The following ZC4H2 variants were observed in gnomAD, a reference collection of about 807,000 sequenced individuals.
The protein encoded by ZC4H2 is zinc finger C4H2 domain-containing protein.
For synonymous variants in ZC4H2, 84 were observed against 66.3 expected (o/e 1.27, Z -1.30); for missense variants, 137 against 173.9 (o/e 0.79, Z 1.19).
intron 1 of ZC4H2, among the ~76,000 whole-genome samples, chrX:65,021,240 T>A (rs1251285110): frequency 9.0e-6 from 1 of 110,704 alleles, no homozygotes; most frequent in Non-Finnish European, 1.9e-5. Flanking sequence ...TAGCACCATA[T>A]CGCACTTATT....
chrX:64,981,331 G>A (rs1281376387), upstream of ZC4H2, among the ~76,000 whole-genome samples: 2 of 111,500 alleles, frequency 1.8e-5, no homozygotes, highest in Non-Finnish European at 3.8e-5. Flanking sequence ...TGTGAGAACA[G>A]ATTTTATTGG....
At chrX:64,961,199 T>C (rs1931376941) in intron 1 of ZC4H2, among the ~76,000 whole-genome samples, 1 of 111,847 alleles carries the variant, frequency 8.9e-6, no homozygotes, top group Non-Finnish European at 1.9e-5. Flanking sequence ...CATTACATAA[T>C]GTTCTTCTTT....
chrX:65,010,401 CA>C (rs771959669), intron 1 of ZC4H2, among the ~76,000 whole-genome samples: 80 of 112,570 alleles, frequency 7.1e-4, no homozygotes, highest in African/African-American at 2.4e-3. Context: ...TAGTAAAGTC[CA>C]GATATATTAA....
At chrX:64,925,440 A>G (rs1275816806) in intron 1 of ZC4H2, among the ~76,000 whole-genome samples, 1 of 112,309 alleles carries the variant, frequency 8.9e-6, no homozygotes, top group Non-Finnish European at 1.9e-5. Flanking sequence ...CTAAAGCCAC[A>G]TAAAAATGTC....
chrX:64,942,844 C>G (rs1212617965), intron 1 of ZC4H2, among the ~76,000 whole-genome samples: 1 of 111,512 alleles, frequency 9.0e-6, no homozygotes, highest in South Asian at 3.8e-4. Flanking sequence ...GGGTATATAC[C>G]CAGTAATGGG....
chrX:65,017,769 A>G (rs1032576716), intron 1 of ZC4H2, among the ~76,000 whole-genome samples: 1 of 112,043 alleles, frequency 8.9e-6, no homozygotes, highest in Non-Finnish European at 1.9e-5. Context: ...CACTCATAAA[A>G]TGTAGGATCA....
At chrX:64,940,307 C>A (rs770179547) in intron 1 of ZC4H2, among the ~76,000 whole-genome samples, 2 of 111,147 alleles carry the variant, frequency 1.8e-5, no homozygotes, top group South Asian at 7.6e-4. Context: ...GGATATTAGA[C>A]CTTTGTCAGA....
chrX:65,011,480 G>A (rs893778657), intron 1 of ZC4H2, among the ~76,000 whole-genome samples: 4 of 111,426 alleles, frequency 3.6e-5, no homozygotes, highest in South Asian at 7.6e-4. Flanking sequence ...TTTGTATAAC[G>A]TATGGTGGCA....
chrX:64,951,975 G>A (rs1258104497), intron 1 of ZC4H2, among the ~76,000 whole-genome samples: 3 of 111,237 alleles, frequency 2.7e-5, no homozygotes, highest in Non-Finnish European at 5.6e-5. Context: ...ATTGATTTTC[G>A]TATAAGGTAT....
chrX:64,931,664 G>A (rs1197589664), intron 1 of ZC4H2, among the ~76,000 whole-genome samples: 1 of 111,177 alleles, frequency 9.0e-6, no homozygotes, highest in East Asian at 2.8e-4. Context: ...ATAGTTTTGA[G>A]GGTTCTTTTT....
intron 1 of ZC4H2, among the ~76,000 whole-genome samples, chrX:64,945,138 T>C (rs777824224): frequency 1.6e-4 from 18 of 113,141 alleles, no homozygotes; most frequent in East Asian, 1.1e-3. Context: ...GGAGTTGTGA[T>C]CCTTTGTAGG....
upstream of ZC4H2, among the ~76,000 whole-genome samples, chrX:64,977,522 C>G (rs191078587): frequency 2.1e-4 from 23 of 112,034 alleles, no homozygotes; most frequent in Admixed American, 7.5e-4. Flanking sequence ...ATTTATGAGA[C>G]AGTCTCACTC....
At chrX:64,954,627 T>C (rs1409326518) in intron 1 of ZC4H2, among the ~76,000 whole-genome samples, 1 of 106,555 alleles carries the variant, frequency 9.4e-6, no homozygotes, top group Non-Finnish European at 1.9e-5. Context: ...GAATATGGTG[T>C]CTTTTAGGAG....
Position 65,017,878 on chromosome X carries a change from T to A in ZC4H2, c.-272+16751A>T, listed in dbSNP as rs188391914. ...GGATAGAGGGTGAAACAGAAAAAAA[T>A]TGGGGTTTTAACTTCATCTGTATGC... On this transcript the variant is annotated intron_variant, in intron 1 of 4. Transcript: ENST00000337990. Among the ~76,000 whole-genome samples the A allele has an allele frequency of 2.8e-3, 309 of 112,032 alleles. 3 individuals are homozygous for A. Among genetic ancestry groups the A allele is most frequent in the African/African-American group, 9.6e-3 (296 of 30,834 alleles).
chrX:65,011,614 T>A (rs1410174300), intron 1 of ZC4H2, among the ~76,000 whole-genome samples: 1 of 111,526 alleles, frequency 9.0e-6, no homozygotes, highest in Non-Finnish European at 1.9e-5. Flanking sequence ...CAACAAATAT[T>A]TTGTGGAAGT....
At chrX:65,012,224 C>CAAAAAAAAAAAAAAAAAAAAAAAAAAAA (rs10606871) in intron 1 of ZC4H2, among the ~76,000 whole-genome samples, 2 of 25,333 alleles carry the variant, frequency 7.9e-5, no homozygotes, top group East Asian at 1.3e-3. Flanking sequence ...GACCCCGTCT[C>CAAAAAAAAAAAAAAAAAAAAAAAAAAAA]AAAAAAAAAA....
chrX:64,926,147 T>G (rs926014571), intron 1 of ZC4H2, among the ~76,000 whole-genome samples: 3 of 111,649 alleles, frequency 2.7e-5, no homozygotes, highest in African/African-American at 9.8e-5. Context: ...TTAATATCTT[T>G]CAATAGTGGT....
At chrX:65,009,808 T>G (rs770450351) in intron 1 of ZC4H2, among the ~76,000 whole-genome samples, 1 of 111,797 alleles carries the variant, frequency 8.9e-6, no homozygotes, top group South Asian at 3.8e-4. Flanking sequence ...GTACTTGCTG[T>G]GCTGTAAGTA....
intron 1 of ZC4H2, among the ~76,000 whole-genome samples, chrX:65,030,685 C>G (rs1361207418): frequency 1.8e-5 from 2 of 111,313 alleles, no homozygotes; most frequent in African/African-American, 3.3e-5. Context: ...AAATTTGAGT[C>G]AGGTCCTTGT....
Sources: allele counts gnomAD v4.1 joint callset (sites outside exome capture counted in the v4.1 genomes callset), GRCh38; gene constraint gnomAD v4.1.1; transcripts MANE v1.5; gene names NCBI Gene and HGNC (gene_info 2026-07-23, HGNC 2026-07-21).